EXD2: variants seen among roughly 807,000 people sequenced by gnomAD.
EXD2 encodes exonuclease 3'-5' domain-containing protein 2.
Under a neutral mutation model 62.5 loss-of-function variants are expected in EXD2, and 40 were observed. The ratio of observed to expected loss-of-function variants is 0.64; its 90% confidence interval spans 0.50 to 0.83. The LOEUF (loss-of-function observed/expected upper bound fraction) is 0.83. EXD2 is among the 40% of genes least tolerant of loss of function. The probability of loss-of-function intolerance (pLI) is 0.00; values close to 1 mark genes in which losing one functional copy is unlikely to be tolerated. For missense variants in EXD2, 671 were observed against 761.8 expected (o/e 0.88, Z 1.40); for synonymous variants, 239 against 291.9 (o/e 0.82, Z 1.85).
At chr14:69,220,656 G>C (rs539138225) in intron 3 of EXD2, among the ~76,000 whole-genome samples, 2 of 150,312 alleles carry the variant, frequency 1.3e-5, no homozygotes, top group African/African-American at 4.9e-5. Flanking sequence ...GGATCATGAA[G>C]TCAGGAGTTC....
intron 3 of EXD2, among the ~76,000 whole-genome samples, chr14:69,211,921 A>G (rs761891113): frequency 3.9e-5 from 6 of 152,182 alleles, no homozygotes; most frequent in Non-Finnish European, 7.3e-5. Context: ...ACCCCACCTC[A>G]TTTTGACTTT....
At chr14:69,238,346 C>T (rs750177647) in intron 9 of EXD2, among the ~76,000 whole-genome samples, 2 of 152,160 alleles carry the variant, frequency 1.3e-5, no homozygotes, top group Non-Finnish European at 2.9e-5. Flanking sequence ...ACATTCACCC[C>T]TCAGTATCCA....
intron 9 of EXD2, among the ~76,000 whole-genome samples, chr14:69,238,866 C>T (rs1457044380): frequency 6.6e-6 from 1 of 152,150 alleles, no homozygotes; most frequent in African/African-American, 2.4e-5. Context: ...GATTCCTGAC[C>T]TCAAGCAATC....
chr14:69,234,013 C>T (rs368386976), intron 5 of EXD2, among the ~76,000 whole-genome samples: 7 of 152,180 alleles, frequency 4.6e-5, no homozygotes, highest in Admixed American at 2.0e-4. Flanking sequence ...GTGATCTGTT[C>T]GCCTTGGCCT....
chr14:69,236,126 A>G lies in EXD2; in HGVS notation c.1130A>G (p.Gln377Arg), dbSNP rs1349197625. 1 of 1,614,130 alleles carries G rather than the reference A, an allele frequency of 6.2e-7. No individual in the cohort carries two copies. The highest frequency in any genetic ancestry group is 1.7e-5 in the Admixed American group (1 of 60,026). Residue 377 changes from glutamine to arginine, a missense_variant, in exon 7 of 10, where the codon CAG becomes CGG. Physicochemically the swap from Gln to Arg is conservative, Grantham distance 43 (BLOSUM62 1). Transcript: ENST00000685843. ...TGCACTTGTGATAGAAGAAAAGCTCAGTGGTACCTGGACAAAGGCATTGGT... is the reference window on the plus strand; with the variant it reads ...TGCACTTGTGATAGAAGAAAAGCTCGGTGGTACCTGGACAAAGGCATTGGT... The part of the protein sequence containing the change: ...PLCTCDRRKA[Q>R]WYLDKGIGEL...
intron 2 of EXD2, among the ~76,000 whole-genome samples, chr14:69,205,609 T>C (rs2042565319): frequency 6.6e-6 from 1 of 152,176 alleles, no homozygotes; most frequent in South Asian, 2.1e-4. Context: ...ATGGAAATCT[T>C]TGTTTGATGG....
intron 8 of EXD2, 21 bp downstream of exon 8, chr14:69,236,563 C>T (rs753991134): frequency 6.2e-7 from 1 of 1,613,814 alleles, no homozygotes; most frequent in Non-Finnish European, 8.5e-7. Context: ...CATTGGGCCA[C>T]CCTGGTTGTC....
intron 1 of EXD2, among the ~76,000 whole-genome samples, chr14:69,195,884 G>T (rs1369734061): frequency 6.6e-6 from 1 of 152,166 alleles, no homozygotes; most frequent in Non-Finnish European, 1.5e-5. Flanking sequence ...TTCATCCTGT[G>T]GTATATTTAT....
intron 1 of EXD2, among the ~76,000 whole-genome samples, chr14:69,192,892 A>G (rs1162734605): frequency 1.3e-5 from 2 of 152,126 alleles, no homozygotes; most frequent in Non-Finnish European, 2.9e-5. Flanking sequence ...ATTGTTAGAC[A>G]CAGTATGGCG....
chr14:69,228,642 A>G (rs1038241346), intron 3 of EXD2, among the ~76,000 whole-genome samples, 174 bp from the exon 4 acceptor site: 1 of 152,158 alleles, frequency 6.6e-6, no homozygotes, highest in African/African-American at 2.4e-5. Flanking sequence ...ACTGCTTCAC[A>G]AAGTCCATTG....
intron 3 of EXD2, among the ~76,000 whole-genome samples, chr14:69,228,319 G>A (rs564438199): frequency 6.8e-4 from 103 of 150,638 alleles, no homozygotes; most frequent in Non-Finnish European, 1.3e-3. Flanking sequence ...AGGCTCCCAT[G>A]TAGCTGGGAT....
Position 69,228,884 on chromosome 14 carries a change from C to G in EXD2, c.402C>G (p.Val134=), listed in dbSNP as rs1283290646. The G allele has an allele frequency of 6.2e-7, 1 of 1,614,184 alleles. No individual in the cohort carries two copies. The highest frequency in any genetic ancestry group is 2.2e-5 in the East Asian group (1 of 44,878). ...TGGCCTCCCCAAGTGGCCTGTGTGT[C>G]TTGGTTCGCCTGCCCAAGCTAATCT... ...LQMASPSGLC[V]LVRLPKLICG... The change falls in exon 4 of 10, where the codon GTC becomes GTG. Residue 134 remains valine (V), a synonymous_variant. Coordinates refer to ENST00000685843, the MANE Select transcript of EXD2 (RefSeq NM_001193360.2).
At chr14:69,219,528 C>T (rs989692018) in intron 3 of EXD2, among the ~76,000 whole-genome samples, 1 of 152,102 alleles carries the variant, frequency 6.6e-6, no homozygotes, top group Non-Finnish European at 1.5e-5. Flanking sequence ...AATTGTTAGA[C>T]CACAATATTG....
intron 3 of EXD2, 21 bp downstream of exon 3, chr14:69,209,824 T>TAAAA (rs199733370): frequency 3.5e-5 from 37 of 1,056,062 alleles, no homozygotes; most frequent in Non-Finnish European, 4.3e-5. Context: ...AAGCAAAAGT[T>TAAAA]AAAAAAAAAA....
intron 5 of EXD2, among the ~76,000 whole-genome samples, chr14:69,232,822 A>AT (rs2043633693): frequency 6.6e-6 from 1 of 152,098 alleles, no homozygotes; most frequent in Non-Finnish European, 1.5e-5. Flanking sequence ...TCTATAAAGT[A>AT]TTTTCTACCA....
At chr14:69,203,046 C>G (rs920319305) in intron 1 of EXD2, among the ~76,000 whole-genome samples, 1 of 151,960 alleles carries the variant, frequency 6.6e-6, no homozygotes, top group Non-Finnish European at 1.5e-5. Flanking sequence ...TCAGTTAGAC[C>G]GTGTCTCAAG....
intron 2 of EXD2, among the ~76,000 whole-genome samples, chr14:69,205,137 T>C (rs2042545947): frequency 6.6e-6 from 1 of 152,208 alleles, no homozygotes; most frequent in Non-Finnish European, 1.5e-5. Context: ...CCTTCATACA[T>C]TCCAAATCTT....
chr14:69,236,190 G>A, intron 7 of EXD2, 38 bp downstream of exon 7: 1 of 1,572,696 alleles, frequency 6.4e-7, no homozygotes, highest in Non-Finnish European at 8.8e-7. Flanking sequence ...CTCTAATTAG[G>A]TGCATTGGAT....
At chr14:69,236,963 T>C (rs1467950144) in intron 8 of EXD2, among the ~76,000 whole-genome samples, 1 of 152,202 alleles carries the variant, frequency 6.6e-6, no homozygotes, top group Admixed American at 6.5e-5. Context: ...TCAGGGCCCC[T>C]GCACTGTGAG....
Sources: gnomAD v4.1 joint callset for allele counts (sites outside exome capture counted in the v4.1 genomes callset) on GRCh38, gnomAD v4.1.1 for gene constraint, MANE v1.5 for transcripts, NCBI Gene and HGNC (gene_info 2026-07-23, HGNC 2026-07-21) for gene names.